GOLIM4: variants seen among roughly 807,000 people sequenced by gnomAD.
GOLIM4 encodes the protein golgi integral membrane protein 4.
GOLIM4 carries 71 observed loss-of-function variants against 107.4 expected under a neutral mutation model. That is an observed-to-expected ratio of 0.66 (90% CI 0.55 to 0.81). GOLIM4 has a LOEUF of 0.81. GOLIM4 is among the 30% of genes least tolerant of loss of function. The pLI, the probability that GOLIM4 is intolerant of heterozygous loss-of-function variation, is 0.00. For missense variants in GOLIM4, 830 were observed against 826.1 expected (o/e 1.00, Z -0.06); for synonymous variants, 327 against 294.8 (o/e 1.11, Z -1.12).
chr3:168,032,426 T>G, intron 9 of GOLIM4, 94 bp downstream of exon 9: 1 of 876,616 alleles, frequency 1.1e-6, no homozygotes, highest in Non-Finnish European at 1.8e-6. Context: ...CTCACATTTC[T>G]ATTTTAGAGA....
intron 14 of GOLIM4, among the ~76,000 whole-genome samples, chr3:168,019,554 G>C (rs1385370778): frequency 6.6e-6 from 1 of 151,880 alleles, no homozygotes; most frequent in Non-Finnish European, 1.5e-5. Context: ...ACATAACATG[G>C]GATTCACTCC....
chr3:168,035,033 C>G (rs371808921), intron 8 of GOLIM4, among the ~76,000 whole-genome samples: 1 of 119,086 alleles, frequency 8.4e-6, no homozygotes, highest in East Asian at 2.7e-4. Context: ...GGCCAACAAT[C>G]ATACAAAAAA....
chr3:168,034,466 T>C (rs1442701756), intron 8 of GOLIM4, among the ~76,000 whole-genome samples: 1 of 152,070 alleles, frequency 6.6e-6, no homozygotes, highest in Non-Finnish European at 1.5e-5. Context: ...AGAATAAGAG[T>C]CCATGAAGAT....
At chr3:168,033,573 C>G (rs1718461742) in intron 8 of GOLIM4, among the ~76,000 whole-genome samples, 1 of 125,128 alleles carries the variant, frequency 8.0e-6, no homozygotes, top group African/African-American at 3.1e-5. Flanking sequence ...CGCCACTGCA[C>G]TCCAGCCTGG....
At chr3:168,052,791 A>T (rs1271132407) in intron 1 of GOLIM4, among the ~76,000 whole-genome samples, 1 of 152,196 alleles carries the variant, frequency 6.6e-6, no homozygotes, top group Non-Finnish European at 1.5e-5. Flanking sequence ...TATACTCTGA[A>T]GTCAAGGGCA....
At chr3:168,062,918 G>A (rs1329297994) in intron 1 of GOLIM4, among the ~76,000 whole-genome samples, 2 of 152,182 alleles carry the variant, frequency 1.3e-5, no homozygotes, top group Admixed American at 1.3e-4. Flanking sequence ...CGGAGGGAGT[G>A]AGAGTCCACC....
intron 8 of GOLIM4, among the ~76,000 whole-genome samples, chr3:168,035,750 C>T (rs1718612100): frequency 6.6e-6 from 1 of 152,002 alleles, no homozygotes; most frequent in South Asian, 2.1e-4. Context: ...AGTTTACCTA[C>T]GTAACAAACT....
At chr3:168,024,416 C>T in intron 14 of GOLIM4, 110 bp downstream of exon 14, 1 of 856,024 alleles carries the variant, frequency 1.2e-6, no homozygotes, top group Non-Finnish European at 2.0e-6. Context: ...TTAAATTTTT[C>T]TGAACATTTC....
intron 1 of GOLIM4, among the ~76,000 whole-genome samples, chr3:168,070,091 G>A (rs886474010): frequency 5.9e-5 from 9 of 152,088 alleles, no homozygotes; most frequent in Admixed American, 5.9e-4. Flanking sequence ...AGGTCATCCA[G>A]GTATTTAACT....
chr3:168,034,385 A>G (rs555611279), intron 8 of GOLIM4, among the ~76,000 whole-genome samples: 3 of 152,344 alleles, frequency 2.0e-5, no homozygotes, highest in African/African-American at 7.2e-5. Context: ...ACAAGGGCAG[A>G]AAATAGAACC....
At chr3:168,036,792 A>AG in intron 8 of GOLIM4, 44 bp downstream of exon 8, 1 of 1,485,440 alleles carries the variant, frequency 6.7e-7, no homozygotes, top group African/African-American at 1.4e-5. Context: ...GCAACTTGAC[A>AG]GAGAAAGTGA....
Position 168,060,680 on chromosome 3 carries a change from T to C in GOLIM4, c.188-12315A>G, listed in dbSNP as rs542718161. On this transcript the variant is annotated intron_variant, in intron 1 of 15. Coordinates refer to ENST00000470487, the MANE Select transcript of GOLIM4 (RefSeq NM_014498.5). ...ATAATCCGCGGTATTCCTCAAACTT[T>C]CCTAAAATAAGAATGTGGAGTGCTT... Among the ~76,000 whole-genome samples the C allele has an allele frequency of 3.9e-5, 6 of 152,292 alleles. No individual in the cohort carries two copies. In the South Asian group the frequency reaches 1.2e-3, roughly 32 times the overall value.
chr3:168,040,814 T>G lies in GOLIM4; in HGVS notation c.656A>C (p.Asp219Ala), dbSNP rs1280708485. The stretch of plus-strand genomic sequence containing the variant: ...TGCAGCAGCTAGTGCACTCTTGTGG[T>G]CTTCCAAAGTCACTACAAGTTGTTC... ...EHEQLVVTLE[D>A]HKSALAAAQT... is the part of the protein sequence containing the mutation. The change falls in exon 7 of 16, where the codon GAC becomes GCC. Residue 219 changes from aspartate (D) to alanine (A), a missense_variant. Coordinates refer to ENST00000470487, the MANE Select transcript of GOLIM4 (RefSeq NM_014498.5). 6.2e-7 allele frequency: 1 copy of G among 1,612,996 alleles called. No homozygotes were observed. The highest frequency in any genetic ancestry group is 2.2e-5 in the East Asian group (1 of 44,872).
At chr3:168,080,597 A>C (rs1444057067) in intron 1 of GOLIM4, among the ~76,000 whole-genome samples, 1 of 150,752 alleles carries the variant, frequency 6.6e-6, no homozygotes, top group African/African-American at 2.5e-5. Context: ...CAAGATAAAG[A>C]ATTTCAAACT....
chr3:168,020,348 G>T (rs903044654), intron 14 of GOLIM4, among the ~76,000 whole-genome samples: 1 of 152,128 alleles, frequency 6.6e-6, no homozygotes, highest in Non-Finnish European at 1.5e-5. Context: ...ACAACTGTCT[G>T]CCCTAGGACT....
At chr3:168,087,748 G>T (rs922606923) in intron 1 of GOLIM4, among the ~76,000 whole-genome samples, 1 of 152,106 alleles carries the variant, frequency 6.6e-6, no homozygotes, top group African/African-American at 2.4e-5. Flanking sequence ...GTTTCATCAG[G>T]CTAGATCTTG....
chr3:168,033,603 T>C (rs1009664250), intron 8 of GOLIM4, among the ~76,000 whole-genome samples: 3 of 40,800 alleles, frequency 7.4e-5, no homozygotes, highest in Admixed American at 4.6e-4. Flanking sequence ...CAAGACTCCG[T>C]CTCAAAAAAA....
intron 14 of GOLIM4, among the ~76,000 whole-genome samples, chr3:168,015,622 A>G (rs2108209771): frequency 7.5e-6 from 1 of 133,954 alleles, no homozygotes; most frequent in South Asian, 2.1e-4. Context: ...GAGGCATCAC[A>G]CTACCTGACT....
chr3:168,030,858 G>C (rs1433940179), intron 9 of GOLIM4, among the ~76,000 whole-genome samples: 5 of 152,226 alleles, frequency 3.3e-5, no homozygotes, highest in Admixed American at 1.3e-4. Context: ...TCCTATTACT[G>C]GGCACATATC....
Sources: allele counts gnomAD v4.1 joint callset (sites outside exome capture counted in the v4.1 genomes callset), GRCh38; gene constraint gnomAD v4.1.1; transcripts MANE v1.5; gene names NCBI Gene and HGNC (gene_info 2026-07-23, HGNC 2026-07-21).